Variants in UTRN observed in about 807,000 individuals in gnomAD.
UTRN encodes utrophin, also known as dystrophin-related protein 1.
A neutral mutation model predicts 463.9 loss-of-function variants in UTRN; 283 were observed. The ratio of observed to expected loss-of-function variants is 0.61; its 90% CI spans 0.55 to 0.67. UTRN has a LOEUF of 0.67. Among genes scored for constraint, UTRN ranks in the 30% least tolerant of loss-of-function variants. UTRN has a pLI of 0.00. For missense variants in UTRN, 3,922 were observed against 4,084.3 expected (o/e 0.96, Z 1.08); for synonymous variants, 1,442 against 1,431.5 (o/e 1.01, Z -0.17).
At chr6:144,827,560 A>T in intron 67 of UTRN, 51 bp from the exon 68 acceptor site, 8 of 1,608,068 alleles carry the variant, frequency 5.0e-6, no homozygotes, top group Non-Finnish European at 6.0e-6. Flanking sequence ...TAATAGTAAC[A>T]CCTATCAATA....
intron 52 of UTRN, among the ~76,000 whole-genome samples, chr6:144,686,065 A>G (rs1782724860): frequency 6.6e-6 from 1 of 151,982 alleles, no homozygotes; most frequent in Non-Finnish European, 1.5e-5. Context: ...TGTTGAGTTG[A>G]TTTTTGTATA....
intron 63 of UTRN, among the ~76,000 whole-genome samples, chr6:144,796,535 G>GT (rs1236387809): frequency 6.6e-6 from 1 of 151,856 alleles, no homozygotes; most frequent in Admixed American, 6.6e-5. Flanking sequence ...TAAAGTATCA[G>GT]TTTTTTTTCT....
intron 68 of UTRN, 65 bp from the exon 69 acceptor site, chr6:144,828,725 T>A: frequency 2.1e-6 from 3 of 1,438,230 alleles, no homozygotes; most frequent in Non-Finnish European, 2.9e-6. Context: ...TGATTAAGGA[T>A]GTACGTCCAA....
At chr6:144,570,451 A>C (rs1800833755) in intron 50 of UTRN, among the ~76,000 whole-genome samples, 2 of 152,158 alleles carry the variant, frequency 1.3e-5, no homozygotes, top group Admixed American at 1.3e-4. Context: ...GGGATGATGA[A>C]GACAATCCTT....
intron 64 of UTRN, among the ~76,000 whole-genome samples, chr6:144,799,058 C>T (rs997179770): frequency 1.8e-4 from 27 of 152,176 alleles, no homozygotes; most frequent in African/African-American, 6.0e-4. Flanking sequence ...ATCTTTTATT[C>T]GTACCAGAAG....
chr6:144,407,189 A>C (rs1429167173), intron 3 of UTRN, among the ~76,000 whole-genome samples: 1 of 152,168 alleles, frequency 6.6e-6, no homozygotes, highest in East Asian at 1.9e-4. Flanking sequence ...CTGTGGGTGC[A>C]GGGACTTTCT....
intron 73 of UTRN, among the ~76,000 whole-genome samples, chr6:144,845,018 C>T (rs926190760): frequency 3.9e-5 from 6 of 152,156 alleles, no homozygotes; most frequent in Admixed American, 1.3e-4. Context: ...TTAACATGAC[C>T]GTTTTTTAAC....
At chr6:144,515,729 A>C (rs1009838809) in intron 37 of UTRN, among the ~76,000 whole-genome samples, 4 of 152,216 alleles carry the variant, frequency 2.6e-5, no homozygotes, top group Non-Finnish European at 4.4e-5. Flanking sequence ...ACAAATATAA[A>C]ATTTTTCTAC....
intron 25 of UTRN, among the ~76,000 whole-genome samples, chr6:144,478,488 G>A (rs562028057): frequency 1.3e-5 from 2 of 152,340 alleles, no homozygotes; most frequent in Admixed American, 1.3e-4. Context: ...CTGATGATCA[G>A]CCAGGCTTGG....
chr6:144,777,514 G>A (rs1051541572), intron 60 of UTRN, among the ~76,000 whole-genome samples: 1 of 152,154 alleles, frequency 6.6e-6, no homozygotes. Flanking sequence ...GATTCAAGGA[G>A]CTTCCAAGAT....
At chr6:144,452,615 AAAT>A (rs1788436253) in intron 18 of UTRN, among the ~76,000 whole-genome samples, 1 of 152,066 alleles carries the variant, frequency 6.6e-6, no homozygotes, top group African/African-American at 2.4e-5. Context: ...GAGATAAAAA[AAAT>A]AATGAAATTA....
chr6:144,784,425 ATGGTTTT>A (rs1776129332), intron 61 of UTRN, among the ~76,000 whole-genome samples: 2 of 152,178 alleles, frequency 1.3e-5, no homozygotes, highest in Admixed American at 1.3e-4. Flanking sequence ...GTGTCTTCAC[ATGGTTTT>A]TCCTTGTCTG....
intron 53 of UTRN, among the ~76,000 whole-genome samples, chr6:144,709,159 G>A (rs777883236): frequency 3.3e-5 from 5 of 152,090 alleles, no homozygotes; most frequent in East Asian, 1.9e-4. Flanking sequence ...GTTGCAATTC[G>A]GGCAAGCTTT....
At chr6:144,819,877 G>T (rs959851490) in intron 65 of UTRN, among the ~76,000 whole-genome samples, 44 of 127,284 alleles carry the variant, frequency 3.5e-4, no homozygotes, top group Middle Eastern at 8.3e-3. Context: ...CTCCTCCGCC[G>T]CCTCCTCCTC....
chr6:144,496,880 A>T (rs1793698680), intron 33 of UTRN, among the ~76,000 whole-genome samples: 1 of 152,172 alleles, frequency 6.6e-6, no homozygotes, highest in Non-Finnish European at 1.5e-5. Flanking sequence ...TGAAACGAGG[A>T]GATTTCTAGA....
At chr6:144,468,278 G>A (rs1012485214) in intron 23 of UTRN, among the ~76,000 whole-genome samples, 14 of 152,098 alleles carry the variant, frequency 9.2e-5, no homozygotes, top group African/African-American at 3.4e-4. Context: ...GCTGTTCCTT[G>A]TCCGTGATCC....
At chr6:144,713,503 A>G (rs1785979056) in intron 53 of UTRN, among the ~76,000 whole-genome samples, 1 of 151,728 alleles carries the variant, frequency 6.6e-6, no homozygotes, top group Admixed American at 6.6e-5. Flanking sequence ...AATCCCAGCT[A>G]CTTGGGAGGC....
chr6:144,784,855 A>C (rs118133898), intron 61 of UTRN, among the ~76,000 whole-genome samples: 26 of 152,334 alleles, frequency 1.7e-4, no homozygotes, highest in Admixed American at 4.6e-4. Flanking sequence ...AAAGGAAAAA[A>C]ATCTTTCAGG....
rs560466695 is a variant in UTRN at position 144,822,789 on chromosome 6, C to T, written c.9494+1771C>T. 3.3e-5 allele frequency among the ~76,000 whole-genome samples: 5 copies of T among 152,164 alleles called. No individual in the cohort carries two copies. In the East Asian group the frequency reaches 9.6e-4, roughly 29 times the overall value. ...AAATTGTACTTTTTTTGTATCCCAT[C>T]CAGTTAACCTTTGGAATGGATAATT... On this transcript the variant is annotated intron_variant, in intron 66 of 74. Transcript: ENST00000367545.
Sources: gnomAD v4.1 joint callset for allele counts (sites outside exome capture counted in the v4.1 genomes callset) on GRCh38, gnomAD v4.1.1 for gene constraint, MANE v1.5 for transcripts, NCBI Gene and HGNC (gene_info 2026-07-23, HGNC 2026-07-21) for gene names.